The following NBR1 variants were observed in gnomAD, a reference collection of about 807,000 sequenced individuals.
NBR1 encodes NBR1 autophagy cargo receptor.
Under a neutral mutation model 115.5 loss-of-function variants are expected in NBR1, and 59 were observed. That is an observed-to-expected ratio of 0.51 (90% confidence interval 0.41 to 0.63). NBR1 has a LOEUF of 0.63. NBR1 is among the 30% of genes least tolerant of loss of function. The pLI is 0.00. For missense variants in NBR1, 1,043 were observed against 1,150.5 expected (o/e 0.91, Z 1.35); for synonymous variants, 373 against 414.7 (o/e 0.90, Z 1.22).
chr17:43,204,591 C>T (rs963332514), intron 20 of NBR1, among the ~76,000 whole-genome samples: 6 of 149,116 alleles, frequency 4.0e-5, no homozygotes, highest in Non-Finnish European at 4.5e-5. Flanking sequence ...CGAGGCAGGC[C>T]GGATCACAAG....
chr17:43,197,161 C>A, intron 16 of NBR1, 55 bp downstream of exon 16: 1 of 1,491,668 alleles, frequency 6.7e-7, no homozygotes, highest in South Asian at 1.2e-5. Context: ...ATTGTGACTG[C>A]CAGACTTGAC....
In NBR1 at chr17:43,201,699, G is replaced by C. The variant is rs11538738; in HGVS notation, c.2482G>C (p.Val828Leu). 11 of 1,602,302 alleles carry C rather than the reference G, an allele frequency of 6.9e-6. No individual in the cohort carries two copies. Among genetic ancestry groups the C allele is most frequent in the South Asian group, 5.5e-5 (5 of 90,802 alleles). ...TCTTTCTGAAAGGAGCTCTCCTTGT[G>C]TACATCATCATGGTTCCCCAGGAGT... is the stretch of plus-strand genomic sequence containing the variant. Reference protein sequence around the residue: ...PPSLPRSSPCVHHHGSPGVDL... With the variant: ...PPSLPRSSPCLHHHGSPGVDL... The change falls in exon 18 of 21, where the codon GTA becomes CTA. Residue 828 changes from valine to leucine, a missense_variant. Transcript: ENST00000590996.
intron 6 of NBR1, 81 bp downstream of exon 6, chr17:43,186,525 A>AT (rs2056806859): frequency 2.5e-6 from 3 of 1,186,634 alleles, no homozygotes; most frequent in South Asian, 2.1e-5. Flanking sequence ...TCTTTATTTT[A>AT]TTTTTTTATT....
chr17:43,191,697 T>C lies in NBR1; in HGVS notation c.1073+116T>C, dbSNP rs536889443. On this transcript the variant is annotated intron_variant, in intron 10 of 20. Transcript: ENST00000590996. ...CCCTTAACACCTAAATCTTTAAAACTTTCCATTATCTGGTCTTAGTATTTT... is the reference window on the plus strand; with the variant it reads ...CCCTTAACACCTAAATCTTTAAAACCTTCCATTATCTGGTCTTAGTATTTT... The C allele has an allele frequency of 7.4e-6, 5 of 677,584 alleles. No homozygotes were observed. In the South Asian group the frequency reaches 9.9e-5, roughly 13 times the overall value. 42.0% of individuals were successfully genotyped at this position (677,584 alleles called of 1,614,324 possible). A position where few individuals can be genotyped will look rare whatever the true frequency, so the allele number is the denominator to read the frequency against.
chr17:43,170,999 C>A (rs553371298), upstream of NBR1: 2 of 152,360 alleles, frequency 1.3e-5, no homozygotes, highest in South Asian at 4.1e-4. Context: ...AAGGGGAAAT[C>A]CGCTCTGGCC....
At chr17:43,205,809 CA>C (rs1358252046) in intron 20 of NBR1, among the ~76,000 whole-genome samples, 3 of 140,274 alleles carry the variant, frequency 2.1e-5, no homozygotes, top group Admixed American at 7.8e-5. Context: ...GCCCGGGAGG[CA>C]GAGGTTGCAG....
intron 2 of NBR1, among the ~76,000 whole-genome samples, chr17:43,177,572 A>AACAC (rs60320098): frequency 0.079 from 10,304 of 131,146 alleles, 611 homozygotes; most frequent in African/African-American, 0.16. Flanking sequence ...CCCCACCCAA[A>AACAC]ACACACACAC....
rs1359943467 is a variant in NBR1 at position 43,210,522 on chromosome 17, A to G, written c.*448A>G. ...TAATTCTTATTCTCATAATTTCTGT[A>G]ATCCACCTCAAGCTTCATAGTTATT... On this transcript the variant is annotated 3_prime_UTR_variant, in exon 21 of 21. Transcript: ENST00000590996. 2.5e-6 allele frequency: 1 copy of G among 398,040 alleles called. No individual in the cohort carries two copies. The highest frequency in any genetic ancestry group is 2.1e-5 in the African/African-American group (1 of 48,620). 24.7% of individuals were successfully genotyped at this position (398,040 alleles called of 1,614,324 possible).
chr17:43,205,947 A>C (rs1380454481), intron 20 of NBR1, among the ~76,000 whole-genome samples: 1 of 149,978 alleles, frequency 6.7e-6, no homozygotes, highest in African/African-American at 2.4e-5. Flanking sequence ...TGGGAGGCTG[A>C]GGCGGGTGGA....
intron 14 of NBR1, 200 bp downstream of exon 14, chr17:43,195,239 G>C (rs924083987): frequency 3.5e-6 from 2 of 564,508 alleles, no homozygotes; most frequent in South Asian, 2.2e-5. Flanking sequence ...ATGGTGGCTC[G>C]TGTCTATAAT....
At chr17:43,196,443 T>A in intron 14 of NBR1, 38 bp from the exon 15 acceptor site, 1 of 1,273,426 alleles carries the variant, frequency 7.9e-7, no homozygotes, top group Non-Finnish European at 1.1e-6. Context: ...ATATGATGCT[T>A]TCTCTTGATT....
intron 1 of NBR1, among the ~76,000 whole-genome samples, chr17:43,175,498 CAT>C (rs1167610639): frequency 6.6e-6 from 1 of 152,226 alleles, no homozygotes; most frequent in African/African-American, 2.4e-5. Flanking sequence ...TCTGTTTCCA[CAT>C]GTTTCCAACA....
chr17:43,202,179 G>GAAAAA (rs66915634), intron 18 of NBR1, among the ~76,000 whole-genome samples: 3 of 118,014 alleles, frequency 2.5e-5, no homozygotes, highest in African/African-American at 3.4e-5. Flanking sequence ...GACTCCGTCT[G>GAAAAA]AAAAAAAAAA....
intron 19 of NBR1, among the ~76,000 whole-genome samples, chr17:43,203,477 T>A (rs146512698): frequency 1.4e-4 from 21 of 152,314 alleles, no homozygotes; most frequent in Non-Finnish European, 2.5e-4. Context: ...AGTGCCCCTA[T>A]CTTGCTTGCA....
At chr17:43,177,231 C>A (rs1186807994) in intron 2 of NBR1, among the ~76,000 whole-genome samples, 6 of 148,064 alleles carry the variant, frequency 4.1e-5, no homozygotes, top group Non-Finnish European at 1.5e-5. Context: ...CAAGATCAAG[C>A]CACTATAATC....
rs1475974343 is a variant in NBR1, at chr17:43,175,898, T to A, written c.99T>A (p.Ala33=). 6.5e-7 allele frequency: 1 copy of A among 1,547,698 alleles called. No individual in the cohort carries two copies. The highest frequency in any genetic ancestry group is 8.9e-7 in the Non-Finnish European group (1 of 1,122,246). The part of the protein sequence containing the change: ...PENTTWADIE[A]MVKVSFDLNT... ...ATACAACTTGGGCTGATATCGAAGC[T>A]ATGGTGAGTGTTACTTTATTTTGTT... The change falls in exon 2 of 21, where the codon GCT becomes GCA. Residue 33 remains alanine (A), a synonymous_variant. Transcript: ENST00000590996.
intron 13 of NBR1, 187 bp downstream of exon 13, chr17:43,194,686 G>A (rs1367047527): frequency 2.8e-5 from 20 of 707,846 alleles, no homozygotes; most frequent in Non-Finnish European, 4.2e-5. Context: ...TCTTTGAATT[G>A]GGAACTCAAT....
At position 43,197,616 on chromosome 17, in the gene NBR1, C is replaced by G. The variant is rs137941487; in HGVS notation, c.2026+510C>G. 6.5e-4 allele frequency among the ~76,000 whole-genome samples: 99 copies of G among 152,276 alleles called. No individual in the cohort carries two copies. In the Middle Eastern group the frequency reaches 0.014, roughly 21 times the overall value. ...AGAGCATCAGGAGTAAAGAAGCCAT[C>G]ATACTCATTTCTCCATCTTCTCAGG... On this transcript the variant is annotated intron_variant, in intron 16 of 20. Coordinates refer to ENST00000590996, the MANE Select transcript of NBR1 (RefSeq NM_005899.5).
chr17:43,188,048 G>C (rs991010937), intron 6 of NBR1, among the ~76,000 whole-genome samples: 25 of 151,638 alleles, frequency 1.6e-4, no homozygotes, highest in Non-Finnish European at 3.4e-4. Context: ...CCACTACCAC[G>C]CCTAGCTATT....
Sources: gnomAD v4.1 joint callset for allele counts (sites outside exome capture counted in the v4.1 genomes callset) on GRCh38, gnomAD v4.1.1 for gene constraint, MANE v1.5 for transcripts, NCBI Gene and HGNC (gene_info 2026-07-23, HGNC 2026-07-21) for gene names.